The following LCP2 variants were observed in gnomAD, a reference collection of about 807,000 sequenced individuals.
LCP2 encodes the protein lymphocyte cytosolic protein 2.
LCP2 carries 29 observed loss-of-function variants against 74.5 expected under a neutral mutation model. The ratio of observed to expected loss-of-function variants is 0.39; its 90% CI spans 0.29 to 0.53. The LOEUF is 0.53. Ranked by LOEUF, LCP2 falls within the 20% of genes least tolerant of loss-of-function variation. LCP2 has a pLI of 0.72. For synonymous variants in LCP2, 228 were observed against 229.5 expected, an observed-to-expected ratio of 0.99 and a Z score of 0.06; for missense variants, 604 against 634.6, an observed-to-expected ratio of 0.95 and a Z score of 0.52.
chr5:170,252,582 G>A (rs763346363), intron 18 of LCP2, 71 bp from the exon 19 acceptor site: 3 of 737,644 alleles, frequency 4.1e-6, no homozygotes, highest in Admixed American at 2.5e-5. Context: ...AAAAGCCTCT[G>A]AGTAATCATT....
At chr5:170,252,366 G>A in intron 19 of LCP2, 68 bp downstream of exon 19, 1 of 893,766 alleles carries the variant, frequency 1.1e-6, no homozygotes, top group East Asian at 2.6e-5. Flanking sequence ...TTGGTACTCA[G>A]GACAGGTCAG....
chr5:170,250,962 C>G, intron 19 of LCP2, 77 bp from the exon 20 acceptor site: 2 of 1,165,416 alleles, frequency 1.7e-6, no homozygotes, highest in South Asian at 1.4e-5. Flanking sequence ...AGTAGACAAG[C>G]CTCTAGGGAT....
Position 170,267,016 on chromosome 5 carries a change from C to G in LCP2, c.681G>C (p.Thr227=). The G allele has an allele frequency of 6.2e-7, 1 of 1,613,872 alleles. No individual in the cohort carries two copies. Among genetic ancestry groups the G allele is most frequent in the African/African-American group, 1.3e-5 (1 of 74,966 alleles). Residue 227 remains threonine (T), a synonymous_variant, in exon 9 of 21, where the codon ACG becomes ACC. Coordinates refer to ENST00000046794, the MANE Select transcript of LCP2 (RefSeq NM_005565.5). ...EEPSRSRNHK[T]AKLPAPSIDR... is the part of the protein sequence containing the mutation. ...AGCAGCCCTTGTACTCACGCTTTGC[C>G]GTTTTGTGGTTTCTGCTTCTGCTGG...
At position 170,292,593 on chromosome 5, in the gene LCP2, G is replaced by A. The variant is rs540721815; in HGVS notation, c.141+717C>T. On this transcript the variant is annotated intron_variant, in intron 2 of 20. Coordinates refer to ENST00000046794, the MANE Select transcript of LCP2 (RefSeq NM_005565.5). ...TTAAATTAGGAACATCTACCCCCAT[G>A]AGACCCTTGAAGTCTTATTTTCAAA... Among the ~76,000 whole-genome samples the A allele has an allele frequency of 5.3e-5, 8 of 152,282 alleles. No individual in the cohort carries two copies. The South Asian group carries it at 1.4e-3, about 28-fold the overall frequency.
chr5:170,291,493 T>C (rs1367731164), intron 2 of LCP2, among the ~76,000 whole-genome samples: 1 of 152,194 alleles, frequency 6.6e-6, no homozygotes, highest in Non-Finnish European at 1.5e-5. Context: ...CTTCCTCCTC[T>C]TCATACAATG....
rs7708125 is a variant in LCP2 at position 170,246,576 on chromosome 5, T to A, written c.*2121A>T. On this transcript the variant is annotated 3_prime_UTR_variant, in exon 21 of 21. Coordinates refer to ENST00000046794, the MANE Select transcript of LCP2 (RefSeq NM_005565.5). ...GTGTGTTGGCCTCGTTGTCTTCTAT[T>A]GTAGACTGGTTCTTCCAGATAATTG... is the stretch of plus-strand genomic sequence containing the variant. 67,400 of 154,882 alleles carry A rather than the reference T, an allele frequency of 0.44. 15,496 individuals are homozygous for A. The highest frequency in any genetic ancestry group is 0.52 in the South Asian group (2,644 of 5,084). The allele number at this position is 154,882 out of a possible 1,614,324, so 9.6% of individuals were successfully genotyped here.
At chr5:170,293,263 G>C in intron 2 of LCP2, 47 bp downstream of exon 2, 2 of 1,569,526 alleles carry the variant, frequency 1.3e-6, no homozygotes, top group Non-Finnish European at 1.7e-6. Flanking sequence ...ATGGGGAAAA[G>C]TGCCGAACAG....
chr5:170,269,335 C>T (rs1159731053), intron 7 of LCP2, among the ~76,000 whole-genome samples: 1 of 152,204 alleles, frequency 6.6e-6, no homozygotes, highest in Non-Finnish European at 1.5e-5. Context: ...GGTAGGGCCT[C>T]CTTACGCTTT....
At chr5:170,274,557 C>T (rs549846824) in intron 5 of LCP2, among the ~76,000 whole-genome samples, 2 of 152,264 alleles carry the variant, frequency 1.3e-5, no homozygotes, top group Admixed American at 6.5e-5. Flanking sequence ...GGCGATGGTT[C>T]TCAACCTTTC....
chr5:170,290,570 G>A (rs1027060642), intron 2 of LCP2, among the ~76,000 whole-genome samples: 5 of 152,040 alleles, frequency 3.3e-5, no homozygotes, highest in African/African-American at 4.8e-5. Flanking sequence ...CTTTCTCCCC[G>A]TCTCCCTGCC....
At position 170,268,405 on chromosome 5, in the gene LCP2, G is replaced by T. The variant is rs771459117; in HGVS notation, c.601C>A (p.Pro201Thr). The T allele has an allele frequency of 2.6e-6, 2 of 772,638 alleles. No individual in the cohort carries two copies. The highest frequency in any genetic ancestry group is 3.4e-6 in the Non-Finnish European group (2 of 588,238). 47.9% of individuals were successfully genotyped at this position (772,638 alleles called of 1,614,324 possible). ...CCTACCGAGTGATTCCGGCCGGCTG[G>T]TGGGGGCGGGAGGGCGGCCATCGGT... is the stretch of plus-strand genomic sequence containing the variant. The part of the protein sequence containing the change: ...QRPMAALPPP[P>T]AGRNHSPLPP... The change falls in exon 8 of 21, where the codon CCA (proline) becomes ACA (threonine). Residue 201 changes from proline (P) to threonine (T), a missense_variant. Pro to Thr is a conservative substitution (Grantham distance 38). Coordinates refer to ENST00000046794, the MANE Select transcript of LCP2 (RefSeq NM_005565.5).
intron 1 of LCP2, among the ~76,000 whole-genome samples, chr5:170,294,746 T>C (rs929277785): frequency 6.6e-6 from 1 of 152,252 alleles, no homozygotes; most frequent in Admixed American, 6.5e-5. Flanking sequence ...ATCCCCTTTA[T>C]CTACAGGCAG....
At chr5:170,281,495 T>A (rs1277621350) in intron 3 of LCP2, among the ~76,000 whole-genome samples, 3 of 152,224 alleles carry the variant, frequency 2.0e-5, no homozygotes, top group African/African-American at 7.2e-5. Flanking sequence ...TTAGCCAGGA[T>A]GGTCTCGATC....
intron 13 of LCP2, 92 bp downstream of exon 13, chr5:170,262,543 G>A (rs1211842559): frequency 1.0e-5 from 9 of 902,552 alleles, no homozygotes; most frequent in African/African-American, 1.7e-5. Context: ...CGGGAGCACC[G>A]AGGAGCCTCG....
At chr5:170,287,542 T>A (rs1376018637) in intron 3 of LCP2, among the ~76,000 whole-genome samples, 1 of 152,224 alleles carries the variant, frequency 6.6e-6, no homozygotes, top group East Asian at 1.9e-4. Context: ...AAGCACTCAG[T>A]ATCAACACAT....
rs1761814846 is a variant in LCP2 at position 170,268,480 on chromosome 5, G to A, written c.526C>T (p.Arg176Trp). The A allele has an allele frequency of 3.5e-6, 1 of 282,446 alleles. No individual in the cohort carries two copies. Among genetic ancestry groups the A allele is most frequent in the South Asian group, 4.4e-5 (1 of 22,786 alleles). 17.5% of individuals were successfully genotyped at this position (282,446 alleles called of 1,614,324 possible). A position where few individuals can be genotyped will look rare whatever the true frequency, so the allele number is the denominator to read the frequency against. ...FPNSNSMYIDRPPSGKTPQQP... is the reference protein window; with the variant it reads ...FPNSNSMYIDWPPSGKTPQQP... ...TGGGGGGTTTTCCCAGAGGGGGGCC[G>A]GTCTGTGGAAACACAAGGTTATTAA... The change falls in exon 8 of 21, where the codon CGG becomes TGG. Residue 176 changes from arginine to tryptophan, a missense_variant and splice_region_variant. Coordinates refer to ENST00000046794, the MANE Select transcript of LCP2 (RefSeq NM_005565.5).
intron 13 of LCP2, among the ~76,000 whole-genome samples, chr5:170,262,049 G>A (rs983247480): frequency 3.3e-5 from 5 of 152,166 alleles, no homozygotes; most frequent in African/African-American, 9.7e-5. Flanking sequence ...TATGACCCCT[G>A]ATTCACAAAT....
intron 3 of LCP2, among the ~76,000 whole-genome samples, chr5:170,280,764 T>A (rs574830148): frequency 2.0e-5 from 3 of 152,214 alleles, no homozygotes; most frequent in South Asian, 4.2e-4. Flanking sequence ...TCCCAGCACT[T>A]TGGGAGGCTG....
At chr5:170,282,797 C>T (rs959762049) in intron 3 of LCP2, among the ~76,000 whole-genome samples, 12 of 152,218 alleles carry the variant, frequency 7.9e-5, no homozygotes, top group African/African-American at 2.9e-4. Flanking sequence ...GCCCTCAAGT[C>T]TCACAGCCTG....
Sources: gnomAD v4.1 joint callset for allele counts (sites outside exome capture counted in the v4.1 genomes callset) on GRCh38, gnomAD v4.1.1 for gene constraint, MANE v1.5 for transcripts, NCBI Gene and HGNC (gene_info 2026-07-23, HGNC 2026-07-21) for gene names.